The following TENM3 variants were observed in gnomAD, a reference collection of about 807,000 sequenced individuals.
TENM3 encodes the protein teneurin transmembrane protein 3.
Under a neutral mutation model 255.1 loss-of-function variants are expected in TENM3, and 63 were observed. The ratio of observed to expected loss-of-function variants is 0.25; its 90% CI spans 0.20 to 0.30. The LOEUF (loss-of-function observed/expected upper bound fraction) is 0.30. Among genes scored for constraint, TENM3 ranks in the 10% least tolerant of loss-of-function variants. TENM3 has a pLI of 1.00. For missense variants in TENM3, 2,929 were observed against 3,461.1 expected (o/e 0.85, Z 3.86); for synonymous variants, 1,306 against 1,322.3 (o/e 0.99, Z 0.27).
intron 4 of TENM3, among the ~76,000 whole-genome samples, chr4:182,605,521 A>G (rs1748333319): frequency 1.3e-5 from 2 of 151,412 alleles, no homozygotes; most frequent in African/African-American, 4.8e-5. Context: ...AACTTAAATT[A>G]TATACTAATG....
the TENM3 span, among the ~76,000 whole-genome samples, chr4:181,667,204 A>G: frequency 6.6e-6 from 1 of 152,106 alleles, no homozygotes; most frequent in African/African-American, 2.4e-5. Flanking sequence ...CCTCATCAGG[A>G]CATCACTGAT....
chr4:181,778,984 G>GTTGGAGGAT, the TENM3 span, among the ~76,000 whole-genome samples: 7 of 152,134 alleles, frequency 4.6e-5, no homozygotes, highest in Non-Finnish European at 1.0e-4. Flanking sequence ...GAAAGGAGGA[G>GTTGGAGGAT]TTGGAGGATT....
At chr4:181,832,535 A>T in the TENM3 span, among the ~76,000 whole-genome samples, 1 of 152,334 alleles carries the variant, frequency 6.6e-6, no homozygotes, top group East Asian at 1.9e-4. Context: ...TCCATAAACC[A>T]GCAGCTGGCT....
intron 4 of TENM3, among the ~76,000 whole-genome samples, chr4:182,614,707 A>T (rs540705993): frequency 2.0e-5 from 3 of 152,228 alleles, no homozygotes; most frequent in South Asian, 4.2e-4. Flanking sequence ...ATTACTCTTT[A>T]AGTTCTCCTG....
chr4:181,476,512 T>C, the TENM3 span, among the ~76,000 whole-genome samples: 12 of 152,244 alleles, frequency 7.9e-5, no homozygotes, highest in East Asian at 2.1e-3. Context: ...GGTAGGAAAG[T>C]AGTAGCAGCT....
At chr4:181,605,556 AAGAAAGAAAGAAAGAG>A in the TENM3 span, among the ~76,000 whole-genome samples, 5 of 30,524 alleles carry the variant, frequency 1.6e-4, no homozygotes, top group South Asian at 1.7e-3. Context: ...GAAAGAAAGA[AAGAAAGAAAGAAAGAG>A]AGAGAAAGAA....
At chr4:182,055,118 G>A in the TENM3 span, among the ~76,000 whole-genome samples, 9 of 152,236 alleles carry the variant, frequency 5.9e-5, no homozygotes, top group Admixed American at 1.3e-4. Flanking sequence ...AGGCCAAGGC[G>A]GGCAGATCGC....
intron 1 of TENM3, among the ~76,000 whole-genome samples, chr4:182,151,243 ATACTT>A (rs2149580566): frequency 6.6e-6 from 1 of 152,288 alleles, no homozygotes; most frequent in East Asian, 1.9e-4. Context: ...TTATTAGAAT[ATACTT>A]TACAGGGAGA....
chr4:182,093,087 T>C, the TENM3 span, among the ~76,000 whole-genome samples: 1 of 152,086 alleles, frequency 6.6e-6, no homozygotes, highest in Non-Finnish European at 1.5e-5. Context: ...TCCCTGAAAA[T>C]AATTCCCTCC....
At chr4:181,737,102 C>T in the TENM3 span, among the ~76,000 whole-genome samples, 165 of 152,236 alleles carry the variant, frequency 1.1e-3, no homozygotes, top group Non-Finnish European at 2.0e-3. Flanking sequence ...TCTTCAAATA[C>T]AGACCAAGTT....
the TENM3 span, among the ~76,000 whole-genome samples, chr4:181,496,238 G>A: frequency 1.3e-5 from 2 of 152,228 alleles, no homozygotes; most frequent in Non-Finnish European, 2.9e-5. Flanking sequence ...TTTGGCAAAT[G>A]TGGATCTATT....
chr4:182,728,893 A>T lies in TENM3; in HGVS notation c.2369-72A>T, dbSNP rs146430450. On this transcript the variant is annotated intron_variant, in intron 13 of 27. Coordinates refer to ENST00000511685, the MANE Select transcript of TENM3 (RefSeq NM_001080477.4). ...GATGTGAAAAAAAAAAAAACAGTCA[A>T]GAAACAAAACTGATTCTACATTATG... 793 of 1,259,528 alleles carry T rather than the reference A, an allele frequency of 6.3e-4. 5 individuals carry two copies. In the African/African-American group the frequency reaches 0.011, roughly 17 times the overall value. The allele number at this position is 1,259,528 out of a possible 1,614,324, so 78.0% of individuals were successfully genotyped here. A position where few individuals can be genotyped will look rare whatever the true frequency, so the allele number is the denominator to read the frequency against.
At chr4:181,744,616 G>A in the TENM3 span, among the ~76,000 whole-genome samples, 3 of 152,214 alleles carry the variant, frequency 2.0e-5, no homozygotes, top group Non-Finnish European at 2.9e-5. Context: ...GGGCAGAACA[G>A]AGATGCTAGC....
chr4:182,505,356 G>T (rs1034195180), intron 3 of TENM3, among the ~76,000 whole-genome samples: 8 of 152,030 alleles, frequency 5.3e-5, no homozygotes, highest in African/African-American at 1.9e-4. Context: ...GCATTCCAAA[G>T]TGCTTACTTT....
intron 1 of TENM3, among the ~76,000 whole-genome samples, chr4:182,229,633 T>C (rs59170005): frequency 0.029 from 4,319 of 151,458 alleles, 193 homozygotes; most frequent in African/African-American, 0.097. Context: ...TATATATATA[T>C]ATACACACAC....
the TENM3 span, among the ~76,000 whole-genome samples, chr4:181,547,812 T>C: frequency 6.6e-6 from 1 of 151,670 alleles, no homozygotes; most frequent in Non-Finnish European, 1.5e-5. Context: ...TTATTTTTTC[T>C]TTTTTTTATT....
chr4:182,772,167 T>G (rs1314311177), intron 22 of TENM3, among the ~76,000 whole-genome samples: 1 of 152,148 alleles, frequency 6.6e-6, no homozygotes, highest in Non-Finnish European at 1.5e-5. Context: ...AACAACCACA[T>G]TTTTCAAAAT....
At chr4:181,994,554 G>GT in the TENM3 span, among the ~76,000 whole-genome samples, 81,690 of 128,136 alleles carry the variant, frequency 0.64, 26,317 homozygotes, top group South Asian at 0.73. Flanking sequence ...TTTTTTGTGG[G>GT]TTTTTTTTTT....
At chr4:181,586,840 AAAAAC>A in the TENM3 span, among the ~76,000 whole-genome samples, 4 of 150,346 alleles carry the variant, frequency 2.7e-5, no homozygotes, top group African/African-American at 7.4e-5. Context: ...ACTCTGTCTC[AAAAAC>A]AAAACAAAAC....
Sources: allele counts gnomAD v4.1 joint callset (sites outside exome capture counted in the v4.1 genomes callset), GRCh38; gene constraint gnomAD v4.1.1; transcripts MANE v1.5; gene names NCBI Gene and HGNC (gene_info 2026-07-23, HGNC 2026-07-21).